Variants in CSMD3 observed in about 807,000 individuals in gnomAD.
The protein encoded by CSMD3 is CUB and sushi domain-containing protein 3.
CSMD3 carries 177 observed loss-of-function variants against 435.2 expected under a neutral mutation model. That is an observed-to-expected ratio of 0.41 (90% CI 0.36 to 0.46). CSMD3 has a LOEUF of 0.46. CSMD3 is among the 20% of genes least tolerant of loss of function. The pLI, the probability that CSMD3 is intolerant of heterozygous loss-of-function variation, is 0.34. For synonymous variants in CSMD3, 1,656 were observed against 1,520.5 expected, an observed-to-expected ratio of 1.09 and a Z score of -2.07; for missense variants, 4,265 against 4,504.6, an observed-to-expected ratio of 0.95 and a Z score of 1.52.
chr8:112,583,358 A>G (rs991556488), intron 23 of CSMD3, among the ~76,000 whole-genome samples: 1 of 151,944 alleles, frequency 6.6e-6, no homozygotes, highest in African/African-American at 2.4e-5. Flanking sequence ...GATCATTTAG[A>G]TAGAAACTGG....
intron 9 of CSMD3, among the ~76,000 whole-genome samples, chr8:112,946,834 A>G (rs2083626146): frequency 6.6e-6 from 1 of 151,616 alleles, no homozygotes; most frequent in African/African-American, 2.4e-5. Flanking sequence ...AAATTGTATT[A>G]TTGTTTTTCA....
chr8:113,307,268 C>T (rs2093828913), intron 2 of CSMD3, among the ~76,000 whole-genome samples: 1 of 152,058 alleles, frequency 6.6e-6, no homozygotes, highest in South Asian at 2.1e-4. Flanking sequence ...CAGAGGCAGC[C>T]AGCTAGGACA....
At chr8:113,365,428 A>C (rs1033764589) in intron 1 of CSMD3, among the ~76,000 whole-genome samples, 1 of 152,082 alleles carries the variant, frequency 6.6e-6, no homozygotes, top group Non-Finnish European at 1.5e-5. Flanking sequence ...GATGAAATGT[A>C]TAATCCTTTA....
intron 1 of CSMD3, among the ~76,000 whole-genome samples, chr8:113,355,716 TTATTTTTA>T (rs1368027192): frequency 0.1 from 9,573 of 91,884 alleles, 570 homozygotes; most frequent in Middle Eastern, 0.2. Flanking sequence ...CTTAAAAGTT[TTATTTTTA>T]TATATATATA....
chr8:112,682,597 A>G lies in CSMD3; in HGVS notation c.2522T>C (p.Ile841Thr). 1 of 1,613,710 alleles carries G rather than the reference A, an allele frequency of 6.2e-7. No homozygotes were observed. The highest frequency in any genetic ancestry group is 2.2e-5 in the East Asian group (1 of 44,846). Residue 841 changes from isoleucine (I) to threonine (T), a missense_variant, in exon 16 of 71, where the codon ATC becomes ACC. Ile to Thr is a moderately conservative substitution (Grantham distance 89, BLOSUM62 -1). Coordinates refer to ENST00000297405, the MANE Select transcript of CSMD3 (RefSeq NM_198123.2). ...HNECPDPGIP[I>T]NARRFGDNFQ... ...GTTGTCCCCAAACCGCCGTGCATTG[A>G]TTGGTATTCCAGGATCAGGGCATTC...
chr8:112,995,096 A>C (rs991311958), intron 6 of CSMD3, among the ~76,000 whole-genome samples: 1 of 151,588 alleles, frequency 6.6e-6, no homozygotes, highest in Non-Finnish European at 1.5e-5. Flanking sequence ...CATAATAGTT[A>C]ATAAGGCATA....
At chr8:112,499,397 G>A (rs1821706044) in intron 30 of CSMD3, among the ~76,000 whole-genome samples, 1 of 151,982 alleles carries the variant, frequency 6.6e-6, no homozygotes, top group Non-Finnish European at 1.5e-5. Context: ...TTGCTAGACC[G>A]AGCAGGTCAA....
intron 58 of CSMD3, among the ~76,000 whole-genome samples, chr8:112,285,717 CTT>C (rs1053376093): frequency 6.6e-6 from 1 of 151,604 alleles, no homozygotes; most frequent in Non-Finnish European, 1.5e-5. Context: ...TTTCTTTTTC[CTT>C]TTTATCTTTC....
chr8:112,319,008 C>A, intron 46 of CSMD3, 58 bp from the exon 47 acceptor site: 1 of 954,172 alleles, frequency 1.0e-6, no homozygotes, highest in Admixed American at 1.7e-5. Context: ...TAAAAATAAA[C>A]AAATATTTCA....
At chr8:112,564,957 T>A (rs2131266568) in intron 24 of CSMD3, among the ~76,000 whole-genome samples, 1 of 152,226 alleles carries the variant, frequency 6.6e-6, no homozygotes, top group East Asian at 1.9e-4. Flanking sequence ...TGCCAGAAAT[T>A]AATTGTATGT....
At chr8:113,006,522 A>T (rs1185367373) in intron 6 of CSMD3, among the ~76,000 whole-genome samples, 2 of 151,980 alleles carry the variant, frequency 1.3e-5, no homozygotes, top group African/African-American at 4.8e-5. Context: ...CAGTTGGCAC[A>T]CAAAAAGGAC....
chr8:113,304,064 C>A (rs939609061), intron 2 of CSMD3, among the ~76,000 whole-genome samples: 3 of 130,484 alleles, frequency 2.3e-5, no homozygotes, highest in African/African-American at 2.7e-5. Flanking sequence ...AACAAATCTA[C>A]AAGAAAAAAA....
At chr8:112,665,804 T>C (rs1053680786) in intron 17 of CSMD3, among the ~76,000 whole-genome samples, 1 of 152,110 alleles carries the variant, frequency 6.6e-6, no homozygotes. Flanking sequence ...AAATAAAAGG[T>C]CAGCTGTTCC....
chr8:113,265,828 C>A (rs1310494280), intron 3 of CSMD3, among the ~76,000 whole-genome samples: 4 of 151,394 alleles, frequency 2.6e-5, no homozygotes, highest in Non-Finnish European at 5.9e-5. Flanking sequence ...ACTAGGTTGA[C>A]TTTATGGGCC....
At chr8:113,265,719 T>C (rs1431712548) in intron 3 of CSMD3, among the ~76,000 whole-genome samples, 1 of 151,606 alleles carries the variant, frequency 6.6e-6, no homozygotes, top group Non-Finnish European at 1.5e-5. Flanking sequence ...TGTTATTCTC[T>C]AGATTAGGAT....
intron 61 of CSMD3, among the ~76,000 whole-genome samples, chr8:112,257,222 C>T (rs1439397758): frequency 6.6e-6 from 1 of 152,144 alleles, no homozygotes; most frequent in African/African-American, 2.4e-5. Flanking sequence ...TCTCTCTCAC[C>T]ACTCCCATTC....
At chr8:112,987,410 A>G (rs1372140112) in intron 6 of CSMD3, among the ~76,000 whole-genome samples, 1 of 152,164 alleles carries the variant, frequency 6.6e-6, no homozygotes, top group Non-Finnish European at 1.5e-5. Context: ...TTAAATAAAT[A>G]GATACCAAAA....
chr8:113,009,143 A>C (rs1037781389), intron 6 of CSMD3, among the ~76,000 whole-genome samples: 8 of 151,778 alleles, frequency 5.3e-5, no homozygotes, highest in Non-Finnish European at 1.0e-4. Context: ...GGTGCTCTGC[A>C]AAGGAGTCTA....
rs2082749216 is a variant in CSMD3 at position 112,921,713 on chromosome 8, T to C, written c.1547A>G (p.Tyr516Cys). 2 of 1,610,812 alleles carry C rather than the reference T, an allele frequency of 1.2e-6. No homozygotes were observed. Among genetic ancestry groups the C allele is most frequent in the Non-Finnish European group, 8.5e-7 (1 of 1,177,264 alleles). ...STVQFSCDED[Y>C]VLQGAKSITC... is the part of the protein sequence containing the mutation. ...GATGCTCTTTGCGCCCTGTAGGACATAATCTTCATCACAAGAGAACTGCAC... is the reference window on the plus strand; with the variant it reads ...GATGCTCTTTGCGCCCTGTAGGACACAATCTTCATCACAAGAGAACTGCAC... The change falls in exon 10 of 71, where the codon TAT becomes TGT. Residue 516 changes from tyrosine (Y) to cysteine (C), a missense_variant. By Grantham distance (194) the Tyr-to-Cys change is radical (BLOSUM62 -2). Coordinates refer to ENST00000297405, the MANE Select transcript of CSMD3 (RefSeq NM_198123.2).
Sources: gnomAD v4.1 joint callset for allele counts (sites outside exome capture counted in the v4.1 genomes callset) on GRCh38, gnomAD v4.1.1 for gene constraint, MANE v1.5 for transcripts, NCBI Gene and HGNC (gene_info 2026-07-23, HGNC 2026-07-21) for gene names.